The following RTCB variants were observed in gnomAD, a reference collection of about 807,000 sequenced individuals.
RTCB encodes RNA 2',3'-cyclic phosphate and 5'-OH ligase, also known as RNA-splicing ligase RTCB.
Under a neutral mutation model 58.2 loss-of-function variants are expected in RTCB, and 32 were observed. The ratio of observed to expected loss-of-function variants is 0.55; its 90% CI spans 0.41 to 0.74. The LOEUF (loss-of-function observed/expected upper bound fraction) is 0.74, where lower values mean the gene tolerates loss of function less well. RTCB is among the 30% of genes least tolerant of loss of function. RTCB has a pLI of 0.00. For missense variants in RTCB, 523 were observed against 639.0 expected, an observed-to-expected ratio of 0.82 and a Z score of 1.96; for synonymous variants, 247 against 218.6, an observed-to-expected ratio of 1.13 and a Z score of -1.15.
intron 1 of RTCB, among the ~76,000 whole-genome samples, chr22:32,409,849 G>C (rs1933489693): frequency 6.8e-6 from 1 of 146,494 alleles, no homozygotes; most frequent in Admixed American, 6.8e-5. Flanking sequence ...ACTGAGTCTT[G>C]CTCTGTCACC....
intron 4 of RTCB, among the ~76,000 whole-genome samples, chr22:32,405,030 T>C (rs1206511037): frequency 6.6e-6 from 1 of 152,134 alleles, no homozygotes; most frequent in Non-Finnish European, 1.5e-5. Flanking sequence ...ATGAGTGGGT[T>C]CTTTAGTATG....
Position 32,388,251 on chromosome 22 carries a change from T to C in RTCB, c.1411-152A>G, listed in dbSNP as rs1221124151. On this transcript the variant is annotated intron_variant, in intron 11 of 11. Coordinates refer to ENST00000216038, the MANE Select transcript of RTCB (RefSeq NM_014306.5). ...AATTAGCAAAAATTTAAAAAAGAAG[T>C]AAGCCTGATGTTGGTCAGTGCTGAT... is the stretch of plus-strand genomic sequence containing the variant. 4.7e-5 allele frequency: 27 copies of C among 579,650 alleles called. No homozygotes were observed. In the Admixed American group the frequency reaches 7.2e-4, roughly 15 times the overall value. 35.9% of individuals were successfully genotyped at this position (579,650 alleles called of 1,614,324 possible).
chr22:32,399,813 T>G (rs1057257820), intron 5 of RTCB, 54 bp from the exon 6 acceptor site: 1 of 1,519,550 alleles, frequency 6.6e-7, no homozygotes, highest in African/African-American at 1.4e-5. Context: ...GATCAAAACC[T>G]AAGGATGACC....
chr22:32,405,201 T>C (rs757692972), intron 4 of RTCB, among the ~76,000 whole-genome samples: 46 of 152,212 alleles, frequency 3.0e-4, no homozygotes, highest in Non-Finnish European at 1.0e-4. Flanking sequence ...TTTGTTCTAA[T>C]GGATGAGACA....
rs150172194 is a variant in RTCB, at chr22:32,411,146, C to G, written c.93+918G>C. On this transcript the variant is annotated intron_variant, in intron 1 of 11. Coordinates refer to ENST00000216038, the MANE Select transcript of RTCB (RefSeq NM_014306.5). ...GTAAGTGACTTGCCAACAAGGGAAA[C>G]TCAGTAAGCTTTGATTCTGAATAAA... Among the ~76,000 whole-genome samples, 780 of 152,278 alleles carry G rather than the reference C, an allele frequency of 5.1e-3. 2 individuals are homozygous for G. The highest frequency in any genetic ancestry group is 9.0e-3 in the Non-Finnish European group (610 of 68,020).
intron 6 of RTCB, 97 bp from the exon 7 acceptor site, chr22:32,398,197 A>G: frequency 7.4e-7 from 1 of 1,345,816 alleles, no homozygotes; most frequent in Non-Finnish European, 1.0e-6. Context: ...TAACAACAAA[A>G]TAAACATACA....
intron 1 of RTCB, among the ~76,000 whole-genome samples, chr22:32,411,839 C>T (rs1933529543): frequency 6.6e-6 from 1 of 152,192 alleles, no homozygotes; most frequent in African/African-American, 2.4e-5. Flanking sequence ...CCATATCCAC[C>T]GCACTTAGCT....
At chr22:32,407,809 T>G (rs1022839637) in intron 3 of RTCB, 3 of 181,920 alleles carry the variant, frequency 1.6e-5, no homozygotes, top group African/African-American at 4.7e-5. Flanking sequence ...CCATCCACGC[T>G]AAAAGTGCAG....
chr22:32,404,115 T>C (rs1254494234), intron 4 of RTCB, among the ~76,000 whole-genome samples: 1 of 152,252 alleles, frequency 6.6e-6, no homozygotes, highest in Non-Finnish European at 1.5e-5. Context: ...AATGCTACAA[T>C]GAACATGGGA....
chr22:32,387,972 C>G lies in RTCB; in HGVS notation c.*20G>C. On this transcript the variant is annotated 3_prime_UTR_variant, in exon 12 of 12. Transcript: ENST00000216038. ...TTCAGAGAGGGTTGGTGGTGTCAGG[C>G]AGCCCTGCTGTCCAAGGTTCTATCC... The G allele has an allele frequency of 6.6e-7, 1 of 1,507,416 alleles. No homozygotes were observed. The highest frequency in any genetic ancestry group is 9.2e-7 in the Non-Finnish European group (1 of 1,083,424). 93.4% of individuals were successfully genotyped at this position (1,507,416 alleles called of 1,614,324 possible).
At chr22:32,388,539 C>A (rs1933097873) in intron 11 of RTCB, among the ~76,000 whole-genome samples, 1 of 152,162 alleles carries the variant, frequency 6.6e-6, no homozygotes, top group South Asian at 2.1e-4. Flanking sequence ...AGTACCTTCA[C>A]AGTAAGTTAT....
At chr22:32,405,829 CT>C (rs1197193116) in intron 4 of RTCB, among the ~76,000 whole-genome samples, 4 of 152,194 alleles carry the variant, frequency 2.6e-5, no homozygotes, top group Non-Finnish European at 5.9e-5. Flanking sequence ...TAAATTCACA[CT>C]CTTTAACAGC....
intron 11 of RTCB, among the ~76,000 whole-genome samples, chr22:32,390,025 A>G (rs1443613994): frequency 6.6e-6 from 1 of 152,094 alleles, no homozygotes; most frequent in East Asian, 1.9e-4. Context: ...TCACCTCCAG[A>G]TGCCCAGGTA....
intron 4 of RTCB, among the ~76,000 whole-genome samples, chr22:32,406,087 T>TA (rs1049894771): frequency 5.9e-5 from 9 of 151,680 alleles, no homozygotes; most frequent in African/African-American, 1.9e-4. Flanking sequence ...TTTACAAAGA[T>TA]AAAAAAAAAT....
At chr22:32,395,687 G>T (rs1052589738) in intron 8 of RTCB, among the ~76,000 whole-genome samples, 3 of 152,120 alleles carry the variant, frequency 2.0e-5, no homozygotes, top group African/African-American at 7.2e-5. Flanking sequence ...GCTTTGACTG[G>T]ACTGCACGAT....
chr22:32,399,078 C>T (rs957575243), intron 6 of RTCB, among the ~76,000 whole-genome samples: 3 of 152,072 alleles, frequency 2.0e-5, no homozygotes, highest in Non-Finnish European at 2.9e-5. Context: ...GTAATTTTGA[C>T]GTATGAACCT....
chr22:32,411,176 T>A (rs993735473), intron 1 of RTCB, among the ~76,000 whole-genome samples: 1 of 152,180 alleles, frequency 6.6e-6, no homozygotes, highest in African/African-American at 2.4e-5. Flanking sequence ...AATAAAAGAA[T>A]GGAGTGACTA....
rs1933089505 is a variant in RTCB, at chr22:32,388,167, C to T, written c.1411-68G>A. 4.3e-6 allele frequency: 4 copies of T among 934,882 alleles called. No homozygotes were observed. In the Admixed American group the frequency reaches 8.0e-5, roughly 19 times the overall value. 57.9% of individuals were successfully genotyped at this position (934,882 alleles called of 1,614,324 possible). On this transcript the variant is annotated intron_variant, in intron 11 of 11. Transcript: ENST00000216038. ...CACAGTCTTTACAAGCACCAAACTT[C>T]ACTTGTGATGAAATAAATGCACACT...
chr22:32,388,280 CA>C (rs576293412), intron 11 of RTCB, among the ~76,000 whole-genome samples, 181 bp from the exon 12 acceptor site: 4 of 150,440 alleles, frequency 2.7e-5, no homozygotes, highest in African/African-American at 4.9e-5. Flanking sequence ...TGCTGATTTC[CA>C]AAACACTTTC....
Sources: gnomAD v4.1 joint callset for allele counts (sites outside exome capture counted in the v4.1 genomes callset) on GRCh38, gnomAD v4.1.1 for gene constraint, MANE v1.5 for transcripts, NCBI Gene and HGNC (gene_info 2026-07-23, HGNC 2026-07-21) for gene names.